The following DTHD1 variants were observed in gnomAD, a reference collection of about 807,000 sequenced individuals.
DTHD1 encodes the protein death domain-containing protein 1.
A neutral mutation model predicts 74.8 loss-of-function variants in DTHD1; 59 were observed. The observed-to-expected ratio is 0.79, with a 90% CI of 0.64 to 0.98. The LOEUF is 0.98. DTHD1 is among the 50% of genes least tolerant of loss of function. The pLI, the probability that DTHD1 is intolerant of heterozygous loss-of-function variation, is 0.00. For synonymous variants in DTHD1, 365 were observed against 371.1 expected (o/e 0.98, Z 0.19); for missense variants, 1,051 against 1,065.4 (o/e 0.99, Z 0.19).
intron 7 of DTHD1, among the ~76,000 whole-genome samples, chr4:36,312,610 G>A (rs1757470340): frequency 2.0e-5 from 3 of 152,018 alleles, no homozygotes; most frequent in South Asian, 2.1e-4. Context: ...GTCTCTAAGC[G>A]GGTGAGGAAG....
chr4:36,319,200 A>C (rs1757921806), intron 8 of DTHD1, among the ~76,000 whole-genome samples: 1 of 152,204 alleles, frequency 6.6e-6, no homozygotes, highest in Non-Finnish European at 1.5e-5. Context: ...AAACTCCATG[A>C]ATGAAGGACC....
Position 36,293,431 on chromosome 4 carries a change from G to A in DTHD1, c.1219-95G>A, listed in dbSNP as rs1313846957. On this transcript the variant is annotated intron_variant, in intron 3 of 9. Coordinates refer to ENST00000639862, the MANE Select transcript of DTHD1 (RefSeq NM_001170700.3). ...TAAGTTGTAGGTGATTAAATAAAGA[G>A]TGTATAGATTTTTTTGACAATCCAT... 9.0e-6 allele frequency: 9 copies of A among 997,392 alleles called. No homozygotes were observed. The South Asian group carries it at 3.0e-4, about 33-fold the overall frequency. The allele number at this position is 997,392 out of a possible 1,614,324, so 61.8% of individuals were successfully genotyped here.
At chr4:36,297,419 T>C (rs1756496186) in intron 5 of DTHD1, among the ~76,000 whole-genome samples, 1 of 152,130 alleles carries the variant, frequency 6.6e-6, no homozygotes. Context: ...TTCTGTTCTA[T>C]GGCTCTTGCC....
intron 9 of DTHD1, among the ~76,000 whole-genome samples, chr4:36,342,857 C>T (rs1759393647): frequency 7.0e-6 from 1 of 143,526 alleles, no homozygotes; most frequent in Non-Finnish European, 1.5e-5. Flanking sequence ...GGGCAGATCA[C>T]GAGGTCAGAA....
intron 9 of DTHD1, among the ~76,000 whole-genome samples, chr4:36,341,175 A>G (rs146893177): frequency 6.6e-6 from 1 of 152,252 alleles, no homozygotes; most frequent in East Asian, 1.9e-4. Context: ...AGATTTTGAA[A>G]GAGTATGTGA....
chr4:36,314,692 CA>C (rs1272301659), intron 7 of DTHD1, among the ~76,000 whole-genome samples: 2 of 94,922 alleles, frequency 2.1e-5, no homozygotes, highest in Non-Finnish European at 4.3e-5. Context: ...GGCTCAGTCT[CA>C]AAAAAAAAGA....
At position 36,343,501 on chromosome 4, in the gene DTHD1, GA is replaced by G. The variant is rs1759433844; in HGVS notation, c.2400del (p.Ala801ProfsTer103). On this transcript the variant is annotated frameshift_variant and splice_region_variant, in exon 10 of 10. Transcript: ENST00000639862. LOFTEE classifies it high-confidence loss of function. ...STKRVSKDPV[E>X]ALWDNLLHWL... is the part of the protein sequence containing the mutation. ...GTGAGTGTTCCTCCTGTGCCTGACA[GA>G]AGCCCTTTGGGATAACTTGCTCCAT... 2 of 1,550,226 alleles carry G rather than the reference GA, an allele frequency of 1.3e-6. No individual in the cohort carries two copies. Among genetic ancestry groups the G allele is most frequent in the Non-Finnish European group, 8.7e-7 (1 of 1,146,192 alleles).
chr4:36,316,973 T>C (rs1757774982), intron 8 of DTHD1, among the ~76,000 whole-genome samples: 1 of 152,222 alleles, frequency 6.6e-6, no homozygotes, highest in Non-Finnish European at 1.5e-5. Context: ...TCTTTGAACA[T>C]GTCAAACACA....
chr4:36,294,975 G>A lies in DTHD1; in HGVS notation c.1579G>A (p.Glu527Lys). Residue 527 changes from glutamate to lysine, a missense_variant, in exon 5 of 10, where the codon GAG (glutamate) becomes AAG (lysine). Physicochemically the swap from Glu to Lys is moderately conservative, Grantham distance 56. Transcript: ENST00000639862. ...CCTTGATAAAAACAACCTTGGTTCT[G>A]AGATAGATCATAAAAGAAGAGCAAG... The part of the protein sequence containing the change: ...PYLDKNNLGS[E>K]IDHKRRASAT... The A allele has an allele frequency of 6.4e-7, 1 of 1,551,340 alleles. No individual in the cohort carries two copies. Among genetic ancestry groups the A allele is most frequent in the Non-Finnish European group, 8.7e-7 (1 of 1,146,534 alleles).
chr4:36,334,347 T>A (rs1422077404), intron 8 of DTHD1, among the ~76,000 whole-genome samples: 1 of 133,016 alleles, frequency 7.5e-6, no homozygotes, highest in Non-Finnish European at 1.5e-5. Context: ...TGCCTACTTT[T>A]ATTTTTTTTG....
chr4:36,338,550 T>A (rs1759136397), intron 8 of DTHD1, among the ~76,000 whole-genome samples: 1 of 151,538 alleles, frequency 6.6e-6, no homozygotes, highest in South Asian at 2.1e-4. Context: ...ATAATTTTAT[T>A]TTATCTCATA....
chr4:36,334,358 G>GT (rs34455692), intron 8 of DTHD1, among the ~76,000 whole-genome samples: 6,244 of 138,814 alleles, frequency 0.045, 262 homozygotes, highest in East Asian at 0.24. Context: ...ATTTTTTTTG[G>GT]TTTTTTTTTT....
At chr4:36,339,063 A>C in intron 8 of DTHD1, 49 bp from the exon 9 acceptor site, 1 of 1,463,436 alleles carries the variant, frequency 6.8e-7, no homozygotes, top group Non-Finnish European at 9.3e-7. Flanking sequence ...TAGCTTATTC[A>C]CAAATTAATT....
intron 2 of DTHD1, among the ~76,000 whole-genome samples, chr4:36,289,883 T>C (rs1432827021): frequency 6.6e-6 from 1 of 152,074 alleles, no homozygotes; most frequent in African/African-American, 2.4e-5. Flanking sequence ...TTTCTAAAAA[T>C]ATATAATCAT....
chr4:36,298,517 GTTTA>G (rs1756577843), intron 5 of DTHD1, among the ~76,000 whole-genome samples: 1 of 152,012 alleles, frequency 6.6e-6, no homozygotes, highest in African/African-American at 2.4e-5. Flanking sequence ...CATCTCAACT[GTTTA>G]TTTAACATTC....
In DTHD1 at chr4:36,344,629, A is replaced by G. The variant is rs1364767474; in HGVS notation, c.*805A>G. On this transcript the variant is annotated 3_prime_UTR_variant, in exon 10 of 10. Transcript: ENST00000639862. ...ATTGTAAATATTTCTGATCAGTCCT[A>G]AGGTCTGTTGAAATTTATGCTGGCC... 1 of 152,186 alleles carries G rather than the reference A, an allele frequency of 6.6e-6. No homozygotes were observed. The highest frequency in any genetic ancestry group is 2.4e-5 in the African/African-American group (1 of 41,436). The allele number at this position is 152,186 out of a possible 1,614,324, so 9.4% of individuals were successfully genotyped here. A position where few individuals can be genotyped will look rare whatever the true frequency, so the allele number is the denominator to read the frequency against.
At chr4:36,334,416 T>C (rs1293034590) in intron 8 of DTHD1, among the ~76,000 whole-genome samples, 1 of 150,424 alleles carries the variant, frequency 6.6e-6, no homozygotes, top group East Asian at 2.0e-4. Context: ...TGGAGTGCAG[T>C]GGCACGATCT....
chr4:36,332,238 AAAATAAAATAAAATAAAAT>A, intron 8 of DTHD1, among the ~76,000 whole-genome samples: 1 of 65,174 alleles, frequency 1.5e-5, no homozygotes, highest in African/African-American at 5.7e-5. Flanking sequence ...AAAATAAAAT[AAAATAAAATAAAATAAAAT>A]AATAATATTG....
chr4:36,284,293 C>T lies in DTHD1; in HGVS notation c.589C>T (p.Leu197=), dbSNP rs1375197708. ...ALVEKENNTS[L]NGRVLGQEES... is the part of the protein sequence containing the mutation. ...AGTGGAAAAAGAAAACAATACATCA[C>T]TGAATGGACGTGTACTGGGGCAAGA... Residue 197 remains leucine, a synonymous_variant, in exon 2 of 10, where the codon CTG becomes TTG. Coordinates refer to ENST00000639862, the MANE Select transcript of DTHD1 (RefSeq NM_001170700.3). 4 of 1,537,140 alleles carry T rather than the reference C, an allele frequency of 2.6e-6. No individual in the cohort carries two copies. The Admixed American group carries it at 7.8e-5, about 30-fold the overall frequency.
Sources: allele counts gnomAD v4.1 joint callset (sites outside exome capture counted in the v4.1 genomes callset), GRCh38; gene constraint gnomAD v4.1.1; transcripts MANE v1.5; gene names NCBI Gene and HGNC (gene_info 2026-07-23, HGNC 2026-07-21).